PTPRD: variants seen among roughly 807,000 people sequenced by gnomAD.
The protein encoded by PTPRD is protein tyrosine phosphatase receptor type D, also known as receptor-type tyrosine-protein phosphatase delta.
PTPRD carries 34 observed loss-of-function variants against 214.5 expected under a neutral mutation model. That is an observed-to-expected ratio of 0.16 (90% confidence interval 0.12 to 0.21). PTPRD has a LOEUF of 0.21. Among genes scored for constraint, PTPRD ranks in the 10% least tolerant of loss-of-function variants. The probability of loss-of-function intolerance (pLI) is 1.00; values close to 1 mark genes in which losing one functional copy is unlikely to be tolerated. For synonymous variants in PTPRD, 1,128 were observed against 845.7 expected (o/e 1.33, Z -5.79); for missense variants, 2,545 against 2,398.7 (o/e 1.06, Z -1.27).
Position 9,467,201 on chromosome 9 carries a change from T to C in PTPRD, c.-236-69719A>G, listed in dbSNP as rs140884928. ...GAATAATCACATCATATAGAGATGA[T>C]GGTTCATTTATCTTTTTTTTTTTTT... On this transcript the variant is annotated intron_variant, in intron 8 of 45. Transcript: ENST00000381196. Among the ~76,000 whole-genome samples the C allele has an allele frequency of 3.6e-3, 539 of 149,488 alleles. 2 individuals are homozygous for C. The highest frequency in any genetic ancestry group is 0.012 in the African/African-American group (506 of 40,650).
At chr9:10,389,744 T>C (rs1290698973) in intron 2 of PTPRD, among the ~76,000 whole-genome samples, 1 of 151,886 alleles carries the variant, frequency 6.6e-6, no homozygotes, top group Non-Finnish European at 1.5e-5. Flanking sequence ...CACATCATTA[T>C]AATAAATACC....
At chr9:9,048,555 G>T (rs2099678156) in intron 10 of PTPRD, among the ~76,000 whole-genome samples, 1 of 152,270 alleles carries the variant, frequency 6.6e-6, no homozygotes, top group Non-Finnish European at 1.5e-5. Context: ...GCCAGACACA[G>T]AAAGACTAAC....
intron 44 of PTPRD, among the ~76,000 whole-genome samples, chr9:8,329,049 C>G (rs1270851071): frequency 6.6e-6 from 1 of 152,066 alleles, no homozygotes; most frequent in East Asian, 1.9e-4. Context: ...CAAACTCATT[C>G]TCTGTCCTGT....
intron 7 of PTPRD, among the ~76,000 whole-genome samples, chr9:9,706,990 T>A (rs893800300): frequency 1.3e-5 from 2 of 152,068 alleles, no homozygotes; most frequent in African/African-American, 4.8e-5. Flanking sequence ...TAAAATAGAA[T>A]AAGTTAAAAG....
At position 8,375,938 on chromosome 9, in the gene PTPRD, G is replaced by A. The variant is rs989141815; in HGVS notation, c.4659C>T (p.Cys1553=). ...GCAAGTGAACAAACGCTTCTTACCT[G>A]CAGTGCACAACCATCGGACCAGCAT... The part of the protein sequence containing the change: ...PPDAGPMVVH[C]SAGVGRTGCF... Residue 1553 remains cysteine, a splice_region_variant and synonymous_variant, in exon 39 of 46, where the codon TGC becomes TGT. Transcript: ENST00000381196. 1.9e-6 allele frequency: 3 copies of A among 1,611,112 alleles called. No individual in the cohort carries two copies. Among genetic ancestry groups the A allele is most frequent in the Non-Finnish European group, 1.7e-6 (2 of 1,178,506 alleles).
chr9:8,616,236 A>G (rs749349789), intron 14 of PTPRD, among the ~76,000 whole-genome samples: 2 of 152,098 alleles, frequency 1.3e-5, no homozygotes, highest in African/African-American at 2.4e-5. Context: ...GGGCCAATGA[A>G]CTTATCAGAA....
chr9:10,262,201 G>C (rs573170026), intron 3 of PTPRD, among the ~76,000 whole-genome samples: 1 of 151,756 alleles, frequency 6.6e-6, no homozygotes, highest in Non-Finnish European at 1.5e-5. Flanking sequence ...AAATTAATTT[G>C]TGCTTTTCAA....
At chr9:10,490,376 TAA>T (rs2039796611) in intron 2 of PTPRD, among the ~76,000 whole-genome samples, 1 of 152,126 alleles carries the variant, frequency 6.6e-6, no homozygotes, top group African/African-American at 2.4e-5. Context: ...AAATAGGATG[TAA>T]AAGACAGTGT....
chr9:8,543,090 C>T (rs532385956), intron 14 of PTPRD, among the ~76,000 whole-genome samples: 1 of 152,272 alleles, frequency 6.6e-6, no homozygotes, highest in African/African-American at 2.4e-5. Flanking sequence ...TAACTCACGG[C>T]TGTCACATTT....
intron 2 of PTPRD, among the ~76,000 whole-genome samples, chr9:10,381,808 A>G (rs2154484240): frequency 6.6e-6 from 1 of 152,072 alleles, no homozygotes; most frequent in Non-Finnish European, 1.5e-5. Context: ...ATAATGGCTT[A>G]TTATAACTGC....
chr9:8,843,077 CCTT>C (rs1346584523), intron 11 of PTPRD, among the ~76,000 whole-genome samples: 5 of 152,294 alleles, frequency 3.3e-5, no homozygotes, highest in African/African-American at 1.2e-4. Context: ...TATTGCCACT[CCTT>C]AATTCCTCCC....
At chr9:10,602,307 G>A (rs563179002) in intron 2 of PTPRD, among the ~76,000 whole-genome samples, 28 of 151,828 alleles carry the variant, frequency 1.8e-4, no homozygotes, top group Non-Finnish European at 2.2e-4. Context: ...TAACAAAGAC[G>A]TTTCTCTTGT....
rs144733628 is a variant in PTPRD, at chr9:8,614,052, AT to A, written c.352+19264del. ...TGAGTTTCTCTAGTTTTGTTCTGTT[AT>A]TTGATATAGTGTTATTTTTAATATA... On this transcript the variant is annotated intron_variant, in intron 14 of 45. Coordinates refer to ENST00000381196, the MANE Select transcript of PTPRD (RefSeq NM_002839.4). 3.3e-3 allele frequency among the ~76,000 whole-genome samples: 502 copies of A among 151,322 alleles called. 3 individuals are homozygous for A. Among genetic ancestry groups the A allele is most frequent in the African/African-American group, 0.012 (485 of 41,234 alleles).
chr9:8,380,295 G>T (rs1160356518), intron 37 of PTPRD, among the ~76,000 whole-genome samples: 2 of 152,082 alleles, frequency 1.3e-5, no homozygotes, highest in African/African-American at 4.8e-5. Context: ...AAACCTCCTT[G>T]TTCTTCAAAT....
intron 10 of PTPRD, among the ~76,000 whole-genome samples, chr9:9,024,784 A>G (rs10816034): frequency 0.16 from 23,567 of 151,736 alleles, 2,266 homozygotes; most frequent in East Asian, 0.43. Flanking sequence ...ATTACTTGTA[A>G]TAACTTTTTA....
intron 4 of PTPRD, among the ~76,000 whole-genome samples, chr9:9,980,308 T>C (rs2095495261): frequency 6.6e-6 from 1 of 151,588 alleles, no homozygotes; most frequent in Non-Finnish European, 1.5e-5. Flanking sequence ...ATATCTGTGG[T>C]ATTAAAACTT....
chr9:9,024,348 G>GTTTTTTTTTTTTTTT (rs752607769), intron 10 of PTPRD, among the ~76,000 whole-genome samples: 12 of 64,180 alleles, frequency 1.9e-4, no homozygotes, highest in African/African-American at 3.7e-4. Flanking sequence ...GTTTTTTTTT[G>GTTTTTTTTTTTTTTT]TTTGTTTTTT....
chr9:10,409,932 C>T (rs1236883388), intron 2 of PTPRD, among the ~76,000 whole-genome samples: 4 of 151,688 alleles, frequency 2.6e-5, no homozygotes, highest in Non-Finnish European at 4.4e-5. Context: ...GACATCTTGA[C>T]TACAACCTCA....
chr9:9,534,680 T>C (rs1185296262), intron 8 of PTPRD, among the ~76,000 whole-genome samples: 1 of 152,064 alleles, frequency 6.6e-6, no homozygotes, highest in African/African-American at 2.4e-5. Flanking sequence ...AAAAATGTAA[T>C]ATCTATTACT....
Sources: gnomAD v4.1 joint callset for allele counts (sites outside exome capture counted in the v4.1 genomes callset) on GRCh38, gnomAD v4.1.1 for gene constraint, MANE v1.5 for transcripts, NCBI Gene and HGNC (gene_info 2026-07-23, HGNC 2026-07-21) for gene names.